PDZD2: variants seen among roughly 807,000 people sequenced by gnomAD.
The protein encoded by PDZD2 is PDZ domain containing 2.
In PDZD2, 90 loss-of-function variants were observed where a neutral mutation model predicts 220.7. That is an observed-to-expected ratio of 0.41 (90% CI 0.34 to 0.49). PDZD2 has a LOEUF of 0.49. PDZD2 is among the 20% of genes least tolerant of loss of function. PDZD2 has a pLI of 0.28. For synonymous variants in PDZD2, 1,375 were observed against 1,450.5 expected, an observed-to-expected ratio of 0.95 and a Z score of 1.18; for missense variants, 3,174 against 3,608.5, an observed-to-expected ratio of 0.88 and a Z score of 3.08.
At chr5:31,828,392 A>T (rs1029516318) in intron 2 of PDZD2, among the ~76,000 whole-genome samples, 1 of 152,206 alleles carries the variant, frequency 6.6e-6, no homozygotes, top group South Asian at 2.1e-4. Context: ...GTGAAGCTGT[A>T]TCTCACTGTG....
chr5:32,022,580 G>T (rs1754308728), intron 6 of PDZD2, among the ~76,000 whole-genome samples: 1 of 152,058 alleles, frequency 6.6e-6, no homozygotes, highest in Admixed American at 6.6e-5. Context: ...CTGACCTAGA[G>T]AAGAGATCTG....
chr5:31,942,740 A>G (rs754036253), intron 2 of PDZD2, among the ~76,000 whole-genome samples: 1 of 152,228 alleles, frequency 6.6e-6, no homozygotes, highest in Non-Finnish European at 1.5e-5. Flanking sequence ...TGTTAGAGAA[A>G]TGCCTCATGG....
At position 32,090,129 on chromosome 5, in the gene PDZD2, C is replaced by G. The variant is rs1286056282; in HGVS notation, c.6681C>G (p.Ala2227=). ...CGACCAGGACCTACTCCATGCCAGC[C>G]CAGTTCTCAAGCCATTTTGGACGGG... The part of the protein sequence containing the change: ...RPATRTYSMP[A]QFSSHFGREG... The change falls in exon 20 of 25, where the codon GCC becomes GCG. Residue 2227 remains alanine, a synonymous_variant. Transcript: ENST00000438447. The surrounding 1 kb of genome is among the most constrained non-coding windows in gnomAD (Gnocchi z 4.3). 6.2e-7 allele frequency: 1 copy of G among 1,613,852 alleles called. No homozygotes were observed. The highest frequency in any genetic ancestry group is 8.5e-7 in the Non-Finnish European group (1 of 1,180,022).
In PDZD2 at chr5:32,073,845, T is replaced by C; in HGVS notation, c.2739T>C (p.Pro913=). 1 of 1,607,610 alleles carries C rather than the reference T, an allele frequency of 6.2e-7. No individual in the cohort carries two copies. The change falls in exon 18 of 25, where the codon CCT becomes CCC. Residue 913 remains proline, a synonymous_variant. Transcript: ENST00000438447. ...LPPSTSTHKE[P]GKPRANSLVT... ...CACCTCCACCAGCTCACAAGGAGCC[T>C]GGAAAACCCAGAGCCAACAGCCTCG...
At chr5:31,859,501 T>C (rs977650644) in intron 2 of PDZD2, among the ~76,000 whole-genome samples, 1 of 152,228 alleles carries the variant, frequency 6.6e-6, no homozygotes, top group African/African-American at 2.4e-5. Flanking sequence ...CTTAAAAATA[T>C]CTGAAATTTT....
intron 8 of PDZD2, among the ~76,000 whole-genome samples, chr5:32,051,092 G>A (rs916688016): frequency 2.0e-5 from 3 of 152,146 alleles, no homozygotes; most frequent in African/African-American, 7.2e-5. Flanking sequence ...TGAGAGGTTG[G>A]TGAAGCCTAC....
intron 1 of PDZD2, among the ~76,000 whole-genome samples, chr5:31,672,154 T>C (rs2150118642): frequency 6.6e-6 from 1 of 152,308 alleles, no homozygotes; most frequent in East Asian, 1.9e-4. Context: ...TCACTCCACC[T>C]CGAGAACGAC....
At chr5:31,702,976 A>T (rs1240023338) in intron 1 of PDZD2, among the ~76,000 whole-genome samples, 1 of 152,190 alleles carries the variant, frequency 6.6e-6, no homozygotes, top group South Asian at 2.1e-4. Context: ...CTGACTGAGG[A>T]TGGCCTCTGC....
chr5:31,650,264 AT>A (rs1434277599), intron 1 of PDZD2, among the ~76,000 whole-genome samples: 1 of 152,076 alleles, frequency 6.6e-6, no homozygotes, highest in Non-Finnish European at 1.5e-5. Context: ...AGTTATCCTT[AT>A]TTTTCAGATG....
Position 32,097,992 on chromosome 5 carries a change from G to A in PDZD2, c.7948-372G>A, listed in dbSNP as rs187485820. 3.0e-4 allele frequency among the ~76,000 whole-genome samples: 45 copies of A among 152,278 alleles called. 1 individual carries two copies. The South Asian group carries it at 8.5e-3, about 29-fold the overall frequency. ...TACAAGACCCGGCACGGTGGCTCAC[G>A]CCTGTAATCCCAGCACTTTGGGAGG... On this transcript the variant is annotated intron_variant, in intron 22 of 24. Coordinates refer to ENST00000438447, the MANE Select transcript of PDZD2 (RefSeq NM_178140.4).
chr5:31,839,892 C>T (rs1757162578), intron 2 of PDZD2, among the ~76,000 whole-genome samples: 1 of 152,170 alleles, frequency 6.6e-6, no homozygotes, highest in African/African-American at 2.4e-5. Context: ...TTCCTGCCAT[C>T]ATGTGAAGAA....
In PDZD2 at chr5:31,646,538, T is replaced by C. The variant is rs1011676354; in HGVS notation, c.-361+7101T>C. On this transcript the variant is annotated intron_variant, in intron 1 of 24. Transcript: ENST00000438447. The surrounding 1 kb of genome is among the most constrained non-coding windows in gnomAD (Gnocchi z 4.7). The stretch of plus-strand genomic sequence containing the variant: ...TGTCAATAAACTCTACATTTTTGTG[T>C]GTTGGCCAATGGACACTTATAAAAT... 6.6e-6 allele frequency among the ~76,000 whole-genome samples: 1 copy of C among 152,190 alleles called. No homozygotes were observed. Among genetic ancestry groups the C allele is most frequent in the African/African-American group, 2.4e-5 (1 of 41,450 alleles).
At chr5:31,710,546 G>A (rs565334000) in intron 1 of PDZD2, among the ~76,000 whole-genome samples, 1 of 152,268 alleles carries the variant, frequency 6.6e-6, no homozygotes, top group South Asian at 2.1e-4. Context: ...GGCCAGGCGT[G>A]GTGGCTCATG....
chr5:31,867,637 C>T (rs1259551045), intron 2 of PDZD2, among the ~76,000 whole-genome samples: 2 of 152,156 alleles, frequency 1.3e-5, no homozygotes, highest in African/African-American at 4.8e-5. Flanking sequence ...ACTAAATCTA[C>T]AGCTTCAAGT....
intron 7 of PDZD2, among the ~76,000 whole-genome samples, chr5:32,041,106 G>A (rs1756092901): frequency 1.4e-5 from 2 of 138,650 alleles, no homozygotes; most frequent in African/African-American, 2.8e-5. Context: ...AGGAAGCGGG[G>A]AGCGCCTCTG....
chr5:31,888,968 C>T (rs1029011202), intron 2 of PDZD2, among the ~76,000 whole-genome samples: 3 of 152,106 alleles, frequency 2.0e-5, no homozygotes, highest in Non-Finnish European at 2.9e-5. Context: ...GACCAACCTC[C>T]GTCGGCTTCA....
At chr5:31,651,993 T>A (rs71627316) in intron 1 of PDZD2, among the ~76,000 whole-genome samples, 1 of 79,252 alleles carries the variant, frequency 1.3e-5, no homozygotes, top group African/African-American at 4.8e-5. Flanking sequence ...CTAATTTTTG[T>A]ATTTTTTTTT....
chr5:31,878,417 A>G (rs1739513982), intron 2 of PDZD2, among the ~76,000 whole-genome samples: 1 of 152,060 alleles, frequency 6.6e-6, no homozygotes, highest in Admixed American at 6.6e-5. Context: ...AAGAACATAG[A>G]CAAGCCCAAG....
chr5:31,689,336 C>CATATGCATATATATATATAT (rs1747009210), intron 1 of PDZD2, among the ~76,000 whole-genome samples: 1 of 55,224 alleles, frequency 1.8e-5, no homozygotes, highest in African/African-American at 1.1e-4. Flanking sequence ...TATACATATA[C>CATATGCATATATATATATAT]ATATATATAT....
Sources: gnomAD v4.1 joint callset for allele counts (sites outside exome capture counted in the v4.1 genomes callset) on GRCh38, gnomAD v4.1.1 for gene constraint, Gnocchi (gnomAD v3.1) non-coding constraint, MANE v1.5 for transcripts, NCBI Gene and HGNC (gene_info 2026-07-23, HGNC 2026-07-21) for gene names.